KIFAP3: variants seen among roughly 807,000 people sequenced by gnomAD.
KIFAP3 encodes kinesin-associated protein 3.
KIFAP3 carries 68 observed loss-of-function variants against 106.5 expected under a neutral mutation model. The observed-to-expected ratio is 0.64, with a 90% confidence interval of 0.53 to 0.78. KIFAP3 has a LOEUF of 0.78. KIFAP3 is among the 30% of genes least tolerant of loss of function. The pLI, the probability that KIFAP3 is intolerant of heterozygous loss-of-function variation, is 0.00. For synonymous variants in KIFAP3, 320 were observed against 311.5 expected (o/e 1.03, Z -0.29); for missense variants, 780 against 941.8 (o/e 0.83, Z 2.25).
At chr1:170,030,413 T>C (rs548358746) in intron 8 of KIFAP3, among the ~76,000 whole-genome samples, 3 of 151,828 alleles carry the variant, frequency 2.0e-5, no homozygotes, top group Non-Finnish European at 4.4e-5. Flanking sequence ...AGAAAAACAT[T>C]TGGCAGTTTC....
chr1:170,038,206 G>A lies in KIFAP3; in HGVS notation c.517+84C>T, dbSNP rs1390085817. The A allele has an allele frequency of 4.7e-6, 5 of 1,074,890 alleles. No homozygotes were observed. The South Asian group carries it at 7.2e-5, about 15-fold the overall frequency. 66.6% of individuals were successfully genotyped at this position (1,074,890 alleles called of 1,614,324 possible). A position where few individuals can be genotyped will look rare whatever the true frequency, so the allele number is the denominator to read the frequency against. ...CTGAGTAAGAAAGAAATAAAGAGCT[G>A]GAAAATATATGAAGTCTTAAGTTTT... On this transcript the variant is annotated intron_variant, in intron 5 of 19. Transcript: ENST00000361580.
In KIFAP3 at chr1:169,921,436, C is replaced by T. The variant is rs1662816846; in HGVS notation, c.*240G>A. 2 of 320,664 alleles carry T rather than the reference C, an allele frequency of 6.2e-6. No individual in the cohort carries two copies. The highest frequency in any genetic ancestry group is 1.2e-5 in the Non-Finnish European group (2 of 173,490). The allele number at this position is 320,664 out of a possible 1,614,324, so 19.9% of individuals were successfully genotyped here. A position where few individuals can be genotyped will look rare whatever the true frequency, so the allele number is the denominator to read the frequency against. On this transcript the variant is annotated 3_prime_UTR_variant, in exon 20 of 20. Transcript: ENST00000361580. Reference sequence around the variant, plus strand: ...AGCTTTTCAGCATTCAGTTTTGTGGCTCATGGGAAATGTTACTTAGCATCA... The same window carrying T: ...AGCTTTTCAGCATTCAGTTTTGTGGTTCATGGGAAATGTTACTTAGCATCA...
At chr1:169,995,769 G>C (rs1183428372) in intron 10 of KIFAP3, among the ~76,000 whole-genome samples, 1 of 151,914 alleles carries the variant, frequency 6.6e-6, no homozygotes, top group Admixed American at 6.6e-5. Flanking sequence ...TGAGAGGAAG[G>C]AAAGACTCAC....
At chr1:169,972,282 C>T (rs1665964338) in intron 17 of KIFAP3, among the ~76,000 whole-genome samples, 1 of 151,830 alleles carries the variant, frequency 6.6e-6, no homozygotes, top group African/African-American at 2.4e-5. Context: ...ACATGTAGAT[C>T]AGAACTCTGA....
At chr1:170,070,751 T>C (rs1262400967) in intron 1 of KIFAP3, among the ~76,000 whole-genome samples, 2 of 152,174 alleles carry the variant, frequency 1.3e-5, no homozygotes, top group African/African-American at 4.8e-5. Flanking sequence ...TTCATGACCT[T>C]GGATTTAGCA....
chr1:170,003,082 T>A (rs2101965216), intron 10 of KIFAP3, among the ~76,000 whole-genome samples: 1 of 152,260 alleles, frequency 6.6e-6, no homozygotes, highest in East Asian at 1.9e-4. Context: ...CCTAACATTT[T>A]TATTAAAGTA....
In KIFAP3 at chr1:170,020,690, C is replaced by T. The variant is rs138332837; in HGVS notation, c.1020+3728G>A. Among the ~76,000 whole-genome samples, 279 of 151,984 alleles carry T rather than the reference C, an allele frequency of 1.8e-3. 1 individual carries two copies. Among genetic ancestry groups the T allele is most frequent in the African/African-American group, 6.3e-3 (263 of 41,424 alleles). On this transcript the variant is annotated intron_variant, in intron 9 of 19. Coordinates refer to ENST00000361580, the MANE Select transcript of KIFAP3 (RefSeq NM_014970.4). ...GTCTCTATCTCCTGACCTCGTGATC[C>T]ATGCAAAGGCAATTTCAATAAGGTG...
chr1:170,038,570 G>A (rs541310108), intron 4 of KIFAP3, 139 bp from the exon 5 acceptor site: 2 of 834,946 alleles, frequency 2.4e-6, no homozygotes, highest in East Asian at 5.5e-5. Flanking sequence ...CATCTTTTTG[G>A]ATATGGAAAT....
intron 19 of KIFAP3, among the ~76,000 whole-genome samples, chr1:169,931,009 T>C (rs1044485268): frequency 9.5e-5 from 14 of 147,566 alleles, no homozygotes; most frequent in African/African-American, 3.5e-4. Flanking sequence ...AACCTCCACC[T>C]CCTGGGTTCA....
At chr1:170,068,192 C>T (rs1011690944) in intron 1 of KIFAP3, 2 of 151,992 alleles carry the variant, frequency 1.3e-5, no homozygotes, top group Non-Finnish European at 2.9e-5. Flanking sequence ...GAAACTCATT[C>T]TCATTCTCAC....
Position 170,003,764 on chromosome 1 carries a change from A to G in KIFAP3, c.1184-11509T>C, listed in dbSNP as rs568959299. Among the ~76,000 whole-genome samples, 458 of 152,318 alleles carry G rather than the reference A, an allele frequency of 3.0e-3. 5 individuals are homozygous for G. Among genetic ancestry groups the G allele is most frequent in the African/African-American group, 6.8e-3 (284 of 41,572 alleles). ...CCACAGCCAATATCATACTGAATGG[A>G]CAAAAACTGGAAGCATTCCCTTTGA... is the stretch of plus-strand genomic sequence containing the variant. On this transcript the variant is annotated intron_variant, in intron 10 of 19. Coordinates refer to ENST00000361580, the MANE Select transcript of KIFAP3 (RefSeq NM_014970.4).
In KIFAP3 at chr1:170,055,368, T is replaced by G; in HGVS notation, c.101A>C (p.Glu34Ala). Residue 34 changes from glutamate (E) to alanine (A), a missense_variant, in exon 2 of 20, where the codon GAA (glutamate) becomes GCA (alanine). By Grantham distance (107) the Glu-to-Ala change is moderately radical. This residue lies in a region of KIFAP3 where 588 missense variants were observed against 678.9 expected (regional missense o/e 0.87). Transcript: ENST00000361580. The stretch of plus-strand genomic sequence containing the variant: ...CCCCATTTCTCCAAGAATGGTAGCT[T>G]CCACTTCATAGTGAACAATGAGTGC... ...EKALIVHYEV[E>A]ATILGEMGDP... 6.2e-7 allele frequency: 1 copy of G among 1,611,192 alleles called. No individual in the cohort carries two copies.
chr1:170,017,088 CT>C (rs1668559960), intron 9 of KIFAP3, among the ~76,000 whole-genome samples: 2 of 151,988 alleles, frequency 1.3e-5, no homozygotes, highest in Admixed American at 1.3e-4. Flanking sequence ...GAAACCCCAT[CT>C]CGACTAAAAA....
intron 10 of KIFAP3, among the ~76,000 whole-genome samples, chr1:169,997,584 T>C (rs1033760864): frequency 1.3e-5 from 2 of 152,010 alleles, no homozygotes; most frequent in African/African-American, 4.8e-5. Context: ...AAAGCTCTGC[T>C]GTTTGGCCGG....
chr1:169,932,565 G>A (rs1340512218), intron 19 of KIFAP3, among the ~76,000 whole-genome samples: 4 of 151,866 alleles, frequency 2.6e-5, no homozygotes, highest in Non-Finnish European at 4.4e-5. Flanking sequence ...TTATAAAACA[G>A]ACAAGTCTGA....
intron 19 of KIFAP3, among the ~76,000 whole-genome samples, chr1:169,947,380 G>A (rs569902045): frequency 6.6e-6 from 1 of 151,932 alleles, no homozygotes; most frequent in East Asian, 1.9e-4. Flanking sequence ...TTGCTATAAA[G>A]AGGTTCTACT....
chr1:170,064,565 G>A (rs1421487368), intron 1 of KIFAP3, among the ~76,000 whole-genome samples: 1 of 152,126 alleles, frequency 6.6e-6, no homozygotes, highest in African/African-American at 2.4e-5. Context: ...TATTGCCCAG[G>A]CTAGTCTTGA....
rs772622754 is a variant in KIFAP3, at chr1:170,039,276, T to C, written c.332A>G (p.Lys111Arg). ...DSLSGKEKKE[K>R]SSKPKDPPPF... ...AGGTGGATCTTTAGGCTTGCTTGAT[T>C]TTTCTTTTTTCTCTGTAAAAAGATT... The change falls in exon 4 of 20, where the codon AAA (lysine) becomes AGA (arginine). Residue 111 changes from lysine to arginine, a missense_variant. By Grantham distance (26) the Lys-to-Arg change is conservative (BLOSUM62 2). Coordinates refer to ENST00000361580, the MANE Select transcript of KIFAP3 (RefSeq NM_014970.4). 2.5e-6 allele frequency: 4 copies of C among 1,596,428 alleles called. No individual in the cohort carries two copies. Among genetic ancestry groups the C allele is most frequent in the South Asian group, 1.1e-5 (1 of 88,624 alleles).
At position 169,961,109 on chromosome 1, in the gene KIFAP3, G is replaced by C. The variant is rs1217279440; in HGVS notation, c.2110C>G (p.Arg704Gly). ...CCTTCATGAATGTATGGCTCAATTCGATCATCACCATACAAGTACTGCTCA... is the reference window on the plus strand; with the variant it reads ...CCTTCATGAATGTATGGCTCAATTCCATCATCACCATACAAGTACTGCTCA... The part of the protein sequence containing the change: ...ESEQYLYGDD[R>G]IEPYIHEGDI... Residue 704 changes from arginine (R) to glycine (G), a missense_variant, in exon 18 of 20, where the codon CGA becomes GGA. Arg to Gly is a moderately radical substitution (Grantham distance 125, BLOSUM62 -2). Transcript: ENST00000361580. 1 of 1,613,198 alleles carries C rather than the reference G, an allele frequency of 6.2e-7. No individual in the cohort carries two copies. Among genetic ancestry groups the C allele is most frequent in the Non-Finnish European group, 8.5e-7 (1 of 1,179,566 alleles).
Sources: allele counts gnomAD v4.1 joint callset (sites outside exome capture counted in the v4.1 genomes callset), GRCh38; gene constraint gnomAD v4.1.1; regional missense constraint gnomAD v4.1.1; transcripts MANE v1.5; gene names NCBI Gene and HGNC (gene_info 2026-07-23, HGNC 2026-07-21).